EYA1: variants seen among roughly 807,000 people sequenced by gnomAD.
EYA1 encodes EYA transcriptional coactivator and phosphatase 1, also known as protein phosphatase EYA1.
Under a neutral mutation model 82.0 loss-of-function variants are expected in EYA1, and 16 were observed. The observed-to-expected ratio is 0.20, with a 90% CI of 0.13 to 0.30. EYA1 has a LOEUF of 0.30. EYA1 is among the 10% of genes least tolerant of loss of function. The probability of loss-of-function intolerance (pLI) is 1.00; values close to 1 mark genes in which losing one functional copy is unlikely to be tolerated. For missense variants in EYA1, 633 were observed against 730.7 expected, an observed-to-expected ratio of 0.87 and a Z score of 1.54; for synonymous variants, 261 against 264.4, an observed-to-expected ratio of 0.99 and a Z score of 0.12.
At chr8:71,485,329 A>C (rs577230891) in intron 2 of EYA1, among the ~76,000 whole-genome samples, 86 of 152,330 alleles carry the variant, frequency 5.6e-4, no homozygotes, top group African/African-American at 2.0e-3. Context: ...TCATATTTTG[A>C]GACATATGTC....
chr8:71,290,782 C>A (rs193229297), intron 9 of EYA1, among the ~76,000 whole-genome samples: 6 of 151,416 alleles, frequency 4.0e-5, no homozygotes, highest in Admixed American at 4.0e-4. Flanking sequence ...TCTTATTATA[C>A]CACTATATAT....
chr8:71,537,598 T>C (rs920485223), intron 1 of EYA1, among the ~76,000 whole-genome samples: 2 of 152,186 alleles, frequency 1.3e-5, no homozygotes, highest in African/African-American at 4.8e-5. Context: ...GCCCACAGTG[T>C]ACCTATAAGA....
At chr8:71,234,980 G>C (rs1811657066) in intron 12 of EYA1, among the ~76,000 whole-genome samples, 1 of 152,072 alleles carries the variant, frequency 6.6e-6, no homozygotes, top group Non-Finnish European at 1.5e-5. Context: ...GCAAAACCTA[G>C]TGCTCATCCT....
At chr8:71,382,413 C>T (rs1423494799) in intron 2 of EYA1, among the ~76,000 whole-genome samples, 1 of 151,956 alleles carries the variant, frequency 6.6e-6, no homozygotes, top group East Asian at 1.9e-4. Context: ...AGCAAATATC[C>T]TAATTATTCC....
intron 3 of EYA1, among the ~76,000 whole-genome samples, chr8:71,339,513 C>T (rs187948676): frequency 9.3e-4 from 141 of 152,218 alleles, no homozygotes; most frequent in Non-Finnish European, 2.1e-4. Context: ...GTTTTTTCCA[C>T]GTTCCTTACG....
chr8:71,452,730 A>C (rs1807497764), intron 2 of EYA1, among the ~76,000 whole-genome samples: 1 of 152,198 alleles, frequency 6.6e-6, no homozygotes, highest in Admixed American at 6.5e-5. Context: ...AAGGAAAACT[A>C]ACAAACAGAA....
intron 7 of EYA1, among the ~76,000 whole-genome samples, chr8:71,308,111 G>C (rs550594966): frequency 6.6e-6 from 1 of 152,244 alleles, no homozygotes; most frequent in South Asian, 2.1e-4. Flanking sequence ...CATTATCTCT[G>C]GTGCCAGGTT....
At chr8:71,480,119 G>A (rs1164688595) in intron 2 of EYA1, among the ~76,000 whole-genome samples, 3 of 152,102 alleles carry the variant, frequency 2.0e-5, no homozygotes, top group African/African-American at 7.2e-5. Context: ...AATCCCTGGT[G>A]CTTTACTCCT....
chr8:71,446,564 A>T (rs1306977946), intron 2 of EYA1, among the ~76,000 whole-genome samples: 1 of 152,210 alleles, frequency 6.6e-6, no homozygotes. Flanking sequence ...AAGAAATTCC[A>T]CTATTGAAGC....
At chr8:71,547,942 C>T (rs1162623689) in exon 1 of EYA1, 1 of 152,140 alleles carries the variant, frequency 6.6e-6, no homozygotes, top group African/African-American at 2.4e-5. Flanking sequence ...ACAGAGAGGC[C>T]GGGGCAGCGC....
intron 6 of EYA1, among the ~76,000 whole-genome samples, chr8:71,321,010 T>C (rs949932375): frequency 2.0e-5 from 3 of 152,242 alleles, no homozygotes; most frequent in Admixed American, 6.5e-5. Flanking sequence ...TCAATCTACT[T>C]AGAATTGCAA....
chr8:71,483,868 A>AT (rs1352713712), intron 2 of EYA1, among the ~76,000 whole-genome samples: 1 of 152,188 alleles, frequency 6.6e-6, no homozygotes, highest in Non-Finnish European at 1.5e-5. Flanking sequence ...GTAAGGTATG[A>AT]AATTGGAGGT....
At position 71,288,272 on chromosome 8, in the gene EYA1, G is replaced by T. The variant is rs186151155; in HGVS notation, c.826+10775C>A. ...GAGAAACTCCAATAACTTTAAATAT[G>T]ATAACTTGTATCCCTAACTGCTCCC... is the stretch of plus-strand genomic sequence containing the variant. On this transcript the variant is annotated intron_variant, in intron 9 of 17. Transcript: ENST00000340726. 9.8e-5 allele frequency among the ~76,000 whole-genome samples: 15 copies of T among 152,292 alleles called. No individual in the cohort carries two copies. The East Asian group carries it at 1.9e-3, about 20-fold the overall frequency.
At chr8:71,208,208 G>A (rs1329376733) in intron 17 of EYA1, among the ~76,000 whole-genome samples, 5 of 152,006 alleles carry the variant, frequency 3.3e-5, no homozygotes, top group African/African-American at 1.2e-4. Context: ...AGAGGCGAGT[G>A]GATCACTTGG....
intron 2 of EYA1, among the ~76,000 whole-genome samples, chr8:71,437,305 A>G (rs1806086167): frequency 6.6e-6 from 1 of 151,792 alleles, no homozygotes; most frequent in Non-Finnish European, 1.5e-5. Context: ...TCAAGTAATT[A>G]TTTTCATTAT....
intron 17 of EYA1, among the ~76,000 whole-genome samples, chr8:71,209,910 T>A (rs1808292797): frequency 6.6e-6 from 1 of 152,186 alleles, no homozygotes; most frequent in Non-Finnish European, 1.5e-5. Flanking sequence ...CAAAGTAAGA[T>A]CCCTGAATCT....
intron 6 of EYA1, among the ~76,000 whole-genome samples, chr8:71,320,712 T>G (rs1822444273): frequency 6.6e-6 from 1 of 151,960 alleles, no homozygotes. Context: ...TACAGTTGAT[T>G]TTGTTTGAGA....
At chr8:71,515,726 C>A (rs533269759) in intron 2 of EYA1, among the ~76,000 whole-genome samples, 1 of 152,194 alleles carries the variant, frequency 6.6e-6, no homozygotes, top group Admixed American at 6.5e-5. Flanking sequence ...GAAAAGCAAA[C>A]AAAAACTTTT....
chr8:71,269,464 A>T (rs559211692), intron 11 of EYA1, among the ~76,000 whole-genome samples: 1 of 152,338 alleles, frequency 6.6e-6, no homozygotes, highest in African/African-American at 2.4e-5. Context: ...TTAATATTTC[A>T]TCCTAGGATA....
Sources: gnomAD v4.1 joint callset for allele counts (sites outside exome capture counted in the v4.1 genomes callset) on GRCh38, gnomAD v4.1.1 for gene constraint, MANE v1.5 for transcripts, NCBI Gene and HGNC (gene_info 2026-07-23, HGNC 2026-07-21) for gene names.